NRG1: variants seen among roughly 807,000 people sequenced by gnomAD.
The protein encoded by NRG1 is neuregulin 1.
A neutral mutation model predicts 63.8 loss-of-function variants in NRG1; 18 were observed. The observed-to-expected ratio is 0.28, with a 90% CI of 0.19 to 0.42. The LOEUF is 0.42. Ranked by LOEUF, NRG1 falls within the 10% of genes least tolerant of loss-of-function variation. The probability of loss-of-function intolerance (pLI) is 1.00; values close to 1 mark genes in which losing one functional copy is unlikely to be tolerated. For missense variants in NRG1, 762 were observed against 814.7 expected, an observed-to-expected ratio of 0.94 and a Z score of 0.79; for synonymous variants, 302 against 301.3, an observed-to-expected ratio of 1.00 and a Z score of -0.02.
At chr8:32,690,717 G>GTT (rs997741461) in intron 5 of NRG1, among the ~76,000 whole-genome samples, 1 of 147,696 alleles carries the variant, frequency 6.8e-6, no homozygotes. Context: ...TACACACATA[G>GTT]TTTTTTTTTT....
upstream of NRG1, among the ~76,000 whole-genome samples, chr8:32,544,644 A>G (rs1832894240): frequency 6.8e-6 from 1 of 146,774 alleles, no homozygotes; most frequent in Non-Finnish European, 1.5e-5. Context: ...CTGGGACTAC[A>G]GGGGAGCACC....
chr8:32,472,847 C>G (rs1011598228), intron 1 of NRG1, among the ~76,000 whole-genome samples: 2 of 152,194 alleles, frequency 1.3e-5, no homozygotes, highest in African/African-American at 4.8e-5. Context: ...GAGTGGCAGC[C>G]ATCTGGTGAG....
chr8:32,233,559 A>ATG, intron 1 of NRG1, among the ~76,000 whole-genome samples: 1 of 67,460 alleles, frequency 1.5e-5, no homozygotes, highest in Non-Finnish European at 3.0e-5. Flanking sequence ...ATATATATAT[A>ATG]TATATTTTTT....
chr8:31,808,330 T>C (rs1323036880), intron 1 of NRG1, among the ~76,000 whole-genome samples: 1 of 152,144 alleles, frequency 6.6e-6, no homozygotes, highest in Non-Finnish European at 1.5e-5. Context: ...TCATTCATCT[T>C]GTATATTTTG....
At chr8:32,209,881 A>G (rs2132378711) in intron 1 of NRG1, among the ~76,000 whole-genome samples, 1 of 152,144 alleles carries the variant, frequency 6.6e-6, no homozygotes, top group East Asian at 1.9e-4. Context: ...GAAGCAAGGA[A>G]GCCACCTTCA....
At chr8:32,245,561 A>G (rs1335350797) in intron 1 of NRG1, among the ~76,000 whole-genome samples, 1 of 152,202 alleles carries the variant, frequency 6.6e-6, no homozygotes, top group Non-Finnish European at 1.5e-5. Flanking sequence ...AATTATGTCT[A>G]CAATCTGATA....
intron 1 of NRG1, among the ~76,000 whole-genome samples, chr8:31,828,203 A>G (rs563839395): frequency 2.0e-5 from 3 of 152,198 alleles, no homozygotes; most frequent in Non-Finnish European, 4.4e-5. Context: ...TATTTATGGC[A>G]TTATCTACCA....
At chr8:31,995,279 T>C (rs949468164) in intron 1 of NRG1, among the ~76,000 whole-genome samples, 2 of 152,034 alleles carry the variant, frequency 1.3e-5, no homozygotes, top group Non-Finnish European at 2.9e-5. Flanking sequence ...CTGTGATTTA[T>C]ATATACTGCT....
At chr8:31,952,255 A>G (rs1247772310) in intron 1 of NRG1, among the ~76,000 whole-genome samples, 1 of 152,370 alleles carries the variant, frequency 6.6e-6, no homozygotes, top group South Asian at 2.1e-4. Context: ...GAAATGATGA[A>G]GGTGCCATGG....
At chr8:32,564,343 A>G (rs1479411058) in intron 1 of NRG1, among the ~76,000 whole-genome samples, 1 of 152,224 alleles carries the variant, frequency 6.6e-6, no homozygotes, top group Non-Finnish European at 1.5e-5. Flanking sequence ...ATTTATTGCC[A>G]GGAAAGAATC....
upstream of NRG1, among the ~76,000 whole-genome samples, chr8:32,545,825 C>T (rs994506713): frequency 2.0e-5 from 3 of 152,118 alleles, no homozygotes; most frequent in Admixed American, 1.3e-4. Flanking sequence ...AAATGTAACT[C>T]GAGAATCTGG....
chr8:32,217,139 G>A (rs1220703338), intron 1 of NRG1, among the ~76,000 whole-genome samples: 1 of 149,130 alleles, frequency 6.7e-6, no homozygotes, highest in Non-Finnish European at 1.5e-5. Flanking sequence ...CTTGAACCTG[G>A]GAGGCAGAGG....
intron 3 of NRG1, among the ~76,000 whole-genome samples, chr8:32,612,648 T>A (rs1056997873): frequency 1.1e-4 from 17 of 152,184 alleles, no homozygotes; most frequent in African/African-American, 3.9e-4. Context: ...ATCTGAGGTA[T>A]TTTTTGCTGG....
At chr8:32,677,656 CA>C (rs201873516) in intron 5 of NRG1, among the ~76,000 whole-genome samples, 3 of 148,192 alleles carry the variant, frequency 2.0e-5, no homozygotes, top group Admixed American at 6.7e-5. Flanking sequence ...GACCCTGTCT[CA>C]AAAAAAAAGA....
intron 1 of NRG1, among the ~76,000 whole-genome samples, chr8:31,854,459 C>T (rs1451162197): frequency 6.6e-6 from 1 of 151,682 alleles, no homozygotes; most frequent in Non-Finnish European, 1.5e-5. Context: ...GTGGTGATAT[C>T]CCCTTTATCA....
intron 1 of NRG1, among the ~76,000 whole-genome samples, chr8:32,003,086 C>T (rs75424662): frequency 0.013 from 1,927 of 152,152 alleles, 34 homozygotes; most frequent in African/African-American, 0.041. Flanking sequence ...TTTAGACTTA[C>T]AGACTCCACT....
At chr8:32,601,871 TA>T (rs2129538576) in intron 2 of NRG1, among the ~76,000 whole-genome samples, 1 of 150,810 alleles carries the variant, frequency 6.6e-6, no homozygotes, top group East Asian at 1.9e-4. Flanking sequence ...AAAGAGTACA[TA>T]AGGTTTTTTT....
intron 1 of NRG1, among the ~76,000 whole-genome samples, chr8:31,791,779 C>A (rs1345874656): frequency 6.6e-6 from 1 of 152,144 alleles, no homozygotes; most frequent in Non-Finnish European, 1.5e-5. Flanking sequence ...TTCAGGTTGG[C>A]TCTAGTCTTG....
Position 32,013,832 on chromosome 8 carries a change from T to A in NRG1, c.37+374401T>A, listed in dbSNP as rs1208790097. Among the ~76,000 whole-genome samples, 8 of 152,138 alleles carry A rather than the reference T, an allele frequency of 5.3e-5. No individual in the cohort carries two copies. The East Asian group carries it at 1.5e-3, about 29-fold the overall frequency. ...CATGATAGACTAATCCTAATCCTAT[T>A]CCCTCCCTATTCACCTCTGTCATCA... On this transcript the variant is annotated intron_variant, in intron 1 of 10. Transcript: ENST00000519301.
Sources: allele counts gnomAD v4.1 joint callset (sites outside exome capture counted in the v4.1 genomes callset), GRCh38; gene constraint gnomAD v4.1.1; transcripts MANE v1.5; gene names NCBI Gene and HGNC (gene_info 2026-07-23, HGNC 2026-07-21).